Variants in DGLUCY observed in about 807,000 individuals in gnomAD.
DGLUCY encodes D-glutamate cyclase, mitochondrial.
In DGLUCY, 58 loss-of-function variants were observed where a neutral mutation model predicts 58.5. The ratio of observed to expected loss-of-function variants is 0.99; its 90% confidence interval spans 0.80 to 1.23. DGLUCY has a LOEUF of 1.23. Ranked by LOEUF, DGLUCY falls within the 50% of genes most tolerant of loss-of-function variation. The probability of loss-of-function intolerance (pLI) is 0.00; values close to 1 mark genes in which losing one functional copy is unlikely to be tolerated. For synonymous variants in DGLUCY, 325 were observed against 314.1 expected (o/e 1.03, Z -0.37); for missense variants, 779 against 784.7 (o/e 0.99, Z 0.09).
At chr14:91,167,807 G>A (rs906362768) in intron 4 of DGLUCY, 15 of 625,112 alleles carry the variant, frequency 2.4e-5, no homozygotes, top group East Asian at 1.9e-4. Flanking sequence ...ATGCTGGGTC[G>A]GTGTACCTCT....
chr14:91,085,888 C>G (rs535353713), intron 1 of DGLUCY, among the ~76,000 whole-genome samples: 1 of 152,262 alleles, frequency 6.6e-6, no homozygotes, highest in South Asian at 2.1e-4. Context: ...TCCCTTATAA[C>G]AGGGGTTCCC....
chr14:91,209,952 G>T (rs79373214), intron 12 of DGLUCY, among the ~76,000 whole-genome samples: 22 of 152,202 alleles, frequency 1.4e-4, no homozygotes, highest in African/African-American at 5.3e-4. Context: ...GATAAAGAGG[G>T]GGATTACATA....
intron 1 of DGLUCY, among the ~76,000 whole-genome samples, chr14:91,127,324 G>C (rs1349302498): frequency 6.6e-6 from 1 of 152,144 alleles, no homozygotes; most frequent in African/African-American, 2.4e-5. Flanking sequence ...AAAGTGCTGG[G>C]ATTACAGGCG....
At chr14:91,097,070 T>C (rs1566938949) in intron 1 of DGLUCY, among the ~76,000 whole-genome samples, 1 of 152,182 alleles carries the variant, frequency 6.6e-6, no homozygotes, top group Non-Finnish European at 1.5e-5. Context: ...GGGGAGTGAC[T>C]GCTAACAGGT....
intron 1 of DGLUCY, among the ~76,000 whole-genome samples, chr14:91,098,818 G>A (rs2044436462): frequency 6.6e-6 from 1 of 152,208 alleles, no homozygotes; most frequent in African/African-American, 2.4e-5. Flanking sequence ...GGTACACTCA[G>A]TACATATTTA....
At chr14:91,076,584 C>T (rs1310237979) in intron 1 of DGLUCY, among the ~76,000 whole-genome samples, 1 of 151,882 alleles carries the variant, frequency 6.6e-6, no homozygotes, top group African/African-American at 2.4e-5. Flanking sequence ...TGTTTAGGAC[C>T]CGGTGGAGGT....
At chr14:91,117,318 A>G (rs887545961) in intron 1 of DGLUCY, among the ~76,000 whole-genome samples, 13 of 152,140 alleles carry the variant, frequency 8.5e-5, no homozygotes, top group African/African-American at 2.9e-4. Context: ...TGTGACCTGT[A>G]TCTTGTGCCT....
intron 1 of DGLUCY, among the ~76,000 whole-genome samples, chr14:91,087,040 GTGGC>G (rs1369166571): frequency 2.0e-5 from 3 of 152,192 alleles, no homozygotes; most frequent in Non-Finnish European, 4.4e-5. Context: ...GCACATGCAG[GTGGC>G]TGCAGTTCAT....
chr14:91,216,533 A>G (rs943228453), intron 13 of DGLUCY: 11 of 152,046 alleles, frequency 7.2e-5, no homozygotes, highest in African/African-American at 2.7e-4. Flanking sequence ...GGTCCCAGCT[A>G]CCTGGGAGGC....
At chr14:91,162,832 G>T (rs1210653655) in intron 3 of DGLUCY, among the ~76,000 whole-genome samples, 1 of 151,832 alleles carries the variant, frequency 6.6e-6, no homozygotes, top group Admixed American at 6.6e-5. Context: ...AGAAGGCGGA[G>T]GTTGCAGTGA....
intron 1 of DGLUCY, among the ~76,000 whole-genome samples, chr14:91,094,211 T>C (rs1595633913): frequency 1.4e-5 from 2 of 146,708 alleles, no homozygotes; most frequent in African/African-American, 5.1e-5. Context: ...CTGAGGTGGG[T>C]GAATCATGAG....
intron 1 of DGLUCY, among the ~76,000 whole-genome samples, chr14:91,081,822 C>T (rs1357957414): frequency 6.6e-6 from 1 of 152,156 alleles, no homozygotes; most frequent in East Asian, 1.9e-4. Context: ...GCCCATGCAA[C>T]CTCCACCTCC....
At chr14:91,084,553 C>T (rs1337001953) in intron 1 of DGLUCY, among the ~76,000 whole-genome samples, 3 of 152,058 alleles carry the variant, frequency 2.0e-5, no homozygotes, top group African/African-American at 7.2e-5. Context: ...CACCCCCTAG[C>T]ACTAACGTTC....
chr14:91,078,025 T>G (rs1417923164), intron 1 of DGLUCY, among the ~76,000 whole-genome samples: 1 of 152,170 alleles, frequency 6.6e-6, no homozygotes, highest in African/African-American at 2.4e-5. Context: ...CTAAGCTATT[T>G]TGTTTTTATT....
chr14:91,183,598 C>T, intron 8 of DGLUCY, among the ~76,000 whole-genome samples: 1 of 152,174 alleles, frequency 6.6e-6, no homozygotes, highest in East Asian at 1.9e-4. Flanking sequence ...CTGTGCCAGG[C>T]AACAGGCTGC....
At chr14:91,124,279 G>C (rs1258671607) in intron 1 of DGLUCY, among the ~76,000 whole-genome samples, 2 of 152,166 alleles carry the variant, frequency 1.3e-5, no homozygotes, top group Non-Finnish European at 2.9e-5. Flanking sequence ...TGAAGCAGCT[G>C]CTCCTCACTA....
intron 1 of DGLUCY, among the ~76,000 whole-genome samples, chr14:91,072,803 C>T (rs2043945879): frequency 1.3e-5 from 2 of 151,962 alleles, no homozygotes; most frequent in South Asian, 4.1e-4. Flanking sequence ...GGGCAGATCA[C>T]GAGGTCAGGA....
At chr14:91,171,502 C>G (rs1354586461) in intron 5 of DGLUCY, among the ~76,000 whole-genome samples, 1 of 152,216 alleles carries the variant, frequency 6.6e-6, no homozygotes, top group Admixed American at 6.5e-5. Context: ...CACCCCCAGA[C>G]GGGATGTGTC....
chr14:91,069,960 C>A (rs1245178456), intron 1 of DGLUCY, among the ~76,000 whole-genome samples: 1 of 151,796 alleles, frequency 6.6e-6, no homozygotes, highest in South Asian at 2.1e-4. Context: ...TTTGAATATA[C>A]CTCCTTTTTA....
Sources: gnomAD v4.1 joint callset for allele counts (sites outside exome capture counted in the v4.1 genomes callset) on GRCh38, gnomAD v4.1.1 for gene constraint, MANE v1.5 for transcripts, NCBI Gene and HGNC (gene_info 2026-07-23, HGNC 2026-07-21) for gene names.